DOCK8: variants seen among roughly 807,000 people sequenced by gnomAD.
DOCK8 encodes dedicator of cytokinesis 8.
In DOCK8, 141 loss-of-function variants were observed where a neutral mutation model predicts 245.6. The observed-to-expected ratio is 0.57, with a 90% CI of 0.50 to 0.66. The LOEUF is 0.66. Ranked by LOEUF, DOCK8 falls within the 30% of genes least tolerant of loss-of-function variation. The pLI is 0.00. For missense variants in DOCK8, 2,965 were observed against 2,603.4 expected (o/e 1.14, Z -3.02); for synonymous variants, 1,168 against 970.2 (o/e 1.20, Z -3.79).
chr9:411,105 A>G (rs866584425), intron 28 of DOCK8, among the ~76,000 whole-genome samples: 9 of 152,298 alleles, frequency 5.9e-5, no homozygotes, highest in South Asian at 4.1e-4. Flanking sequence ...TACACCTACT[A>G]TGTACCCACA....
chr9:452,795 G>A (rs1038841508), intron 46 of DOCK8: 1 of 152,194 alleles, frequency 6.6e-6, no homozygotes, highest in African/African-American at 2.4e-5. Context: ...TCTCATCTCT[G>A]TTCCTTAATT....
chr9:334,291 C>G lies in DOCK8; in HGVS notation c.1192C>G (p.Arg398Gly), dbSNP rs369052464. Reference protein sequence around the residue: ...ESFCQRLGKYRMPFAWAPISL... With the variant: ...ESFCQRLGKYGMPFAWAPISL... ...CTTCTGCCAGCGTTTGGGGAAATAC[C>G]GGATGCCCTTTGCCTGGGCACCCAT... Residue 398 changes from arginine to glycine, a missense_variant, in exon 11 of 48, where the codon CGG becomes GGG. Physicochemically the swap from Arg to Gly is moderately radical, Grantham distance 125 (BLOSUM62 -2). Around this residue, in one of 3 missense-constraint regions of DOCK8, gnomAD observed 2,825 missense variants for 2,453.5 expected, o/e 1.15. Coordinates refer to ENST00000432829, the MANE Select transcript of DOCK8 (RefSeq NM_203447.4). 6.2e-7 allele frequency: 1 copy of G among 1,614,026 alleles called. No homozygotes were observed. Among genetic ancestry groups the G allele is most frequent in the Non-Finnish European group, 8.5e-7 (1 of 1,180,016 alleles).
At chr9:387,625 G>T (rs922205320) in intron 23 of DOCK8, among the ~76,000 whole-genome samples, 1 of 152,134 alleles carries the variant, frequency 6.6e-6, no homozygotes. Context: ...GCCGGGGCCT[G>T]GTGCTGTGCA....
intron 26 of DOCK8, among the ~76,000 whole-genome samples, chr9:400,722 C>T (rs888592644): frequency 4.2e-5 from 4 of 96,048 alleles, no homozygotes; most frequent in East Asian, 2.9e-4. Context: ...ACCATCACCA[C>T]CACCACCTCC....
Position 405,162 on chromosome 9 carries a change from G to C in DOCK8, c.3390+89G>C. 5 of 1,361,852 alleles carry C rather than the reference G, an allele frequency of 3.7e-6. No individual in the cohort carries two copies. In the South Asian group the frequency reaches 6.2e-5, roughly 17 times the overall value. 84.4% of individuals were successfully genotyped at this position (1,361,852 alleles called of 1,614,324 possible). A position where few individuals can be genotyped will look rare whatever the true frequency, so the allele number is the denominator to read the frequency against. ...AATCATGTATTTCCTATAAAGGTTAGTCTTATTAATTTGACAAAAAATCAA... is the reference window on the plus strand; with the variant it reads ...AATCATGTATTTCCTATAAAGGTTACTCTTATTAATTTGACAAAAAATCAA... On this transcript the variant is annotated intron_variant, in intron 27 of 47. Coordinates refer to ENST00000432829, the MANE Select transcript of DOCK8 (RefSeq NM_203447.4).
chr9:312,331 C>T (rs2050162518), intron 6 of DOCK8, 165 bp downstream of exon 6: 1 of 783,920 alleles, frequency 1.3e-6, no homozygotes, highest in Non-Finnish European at 2.2e-6. Context: ...TGTGTCATAG[C>T]AGAGCCATTA....
At chr9:214,190 A>G (rs2131304992), upstream of DOCK8, 2 of 348,836 alleles carry the variant, frequency 5.7e-6, no homozygotes, top group South Asian at 6.2e-5. Flanking sequence ...CTTGAGTTTG[A>G]GGCCGGGCTT....
intron 26 of DOCK8, among the ~76,000 whole-genome samples, chr9:400,259 C>A (rs796205409): frequency 6.9e-5 from 6 of 87,376 alleles, no homozygotes; most frequent in Admixed American, 2.2e-4. Flanking sequence ...ACCATCACCA[C>A]CACCTCCACC....
intron 2 of DOCK8, among the ~76,000 whole-genome samples, chr9:285,169 C>A (rs558615243): frequency 6.6e-6 from 1 of 152,120 alleles, no homozygotes; most frequent in Non-Finnish European, 1.5e-5. Flanking sequence ...CCCTAACTTA[C>A]GCCACTCATG....
At chr9:394,923 T>C (rs1378749803) in intron 24 of DOCK8, among the ~76,000 whole-genome samples, 3 of 152,180 alleles carry the variant, frequency 2.0e-5, no homozygotes, top group Non-Finnish European at 4.4e-5. Context: ...GAGAATTATG[T>C]ATTTGGTTGT....
Position 418,243 on chromosome 9 carries a change from T to A in DOCK8, c.3840+36T>A, listed in dbSNP as rs1215966406. On this transcript the variant is annotated intron_variant, in intron 30 of 47. Coordinates refer to ENST00000432829, the MANE Select transcript of DOCK8 (RefSeq NM_203447.4). ...GCACATGTGTCTGGTTGATTTTTCA[T>A]TTCATGTCTTCTGTCTTCTGTTTTG... 3.1e-6 allele frequency: 5 copies of A among 1,612,906 alleles called. No individual in the cohort carries two copies. In the African/African-American group the frequency reaches 5.3e-5, roughly 17 times the overall value.
At chr9:423,025 A>G (rs1037825930) in intron 33 of DOCK8, among the ~76,000 whole-genome samples, 20 of 151,352 alleles carry the variant, frequency 1.3e-4, no homozygotes, top group Admixed American at 4.0e-4. Context: ...CTCTGATGAC[A>G]TATAGTCAAT....
rs574415164 is a variant in DOCK8, at chr9:258,270, T to C, written c.54-13357T>C. 1.4e-4 allele frequency among the ~76,000 whole-genome samples: 22 copies of C among 152,324 alleles called. No homozygotes were observed. In the East Asian group the frequency reaches 3.9e-3, roughly 27 times the overall value. ...ACGTCACTAAGTCACACAGACATGCTGCTAATTCACTGCCTTGGCCAGCAC... is the reference window on the plus strand; with the variant it reads ...ACGTCACTAAGTCACACAGACATGCCGCTAATTCACTGCCTTGGCCAGCAC... On this transcript the variant is annotated intron_variant, in intron 1 of 47. Coordinates refer to ENST00000432829, the MANE Select transcript of DOCK8 (RefSeq NM_203447.4).
intron 2 of DOCK8, chr9:280,746 G>C (rs2048543849): frequency 6.6e-6 from 1 of 152,198 alleles, no homozygotes; most frequent in South Asian, 2.1e-4. Flanking sequence ...GAAAAAATGT[G>C]TGTGTATGCT....
intron 16 of DOCK8, among the ~76,000 whole-genome samples, chr9:370,561 G>C (rs562110952): frequency 9.8e-5 from 15 of 152,300 alleles, no homozygotes; most frequent in African/African-American, 3.4e-4. Context: ...GATGCAAAGA[G>C]GTTGTATTAC....
At chr9:401,041 CA>C (rs1275989218) in intron 26 of DOCK8, among the ~76,000 whole-genome samples, 2 of 141,172 alleles carry the variant, frequency 1.4e-5, no homozygotes, top group African/African-American at 2.8e-5. Context: ...CCTCCACCAT[CA>C]CTTCTTCCAC....
intron 26 of DOCK8, among the ~76,000 whole-genome samples, chr9:402,954 A>G (rs775941205): frequency 2.6e-5 from 4 of 152,144 alleles, no homozygotes; most frequent in Non-Finnish European, 5.9e-5. Context: ...CAGTGGCACA[A>G]TTTTGGCTCA....
intron 21 of DOCK8, chr9:381,413 T>C (rs547402136): frequency 2.0e-4 from 31 of 152,212 alleles, no homozygotes; most frequent in Non-Finnish European, 4.0e-4. Context: ...TCTTAAACTT[T>C]TTGTTATTAA....
rs1467265264 is a variant in DOCK8, at chr9:441,919, T to C, written c.5400T>C (p.Phe1800=). The change falls in exon 42 of 48, where the codon TTT becomes TTC. Residue 1800 remains phenylalanine (F), a synonymous_variant. Coordinates refer to ENST00000432829, the MANE Select transcript of DOCK8 (RefSeq NM_203447.4). The stretch of plus-strand genomic sequence containing the variant: ...GAACCTACTTCCGAGTTGGTTTCTT[T>C]GGATCCAAATTTGGGGATTTGGATG... ...MFGTYFRVGF[F]GSKFGDLDEQ... is the part of the protein sequence containing the mutation. 6.2e-7 allele frequency: 1 copy of C among 1,614,062 alleles called. No individual in the cohort carries two copies. The highest frequency in any genetic ancestry group is 1.3e-5 in the African/African-American group (1 of 74,930).
Sources: allele counts gnomAD v4.1 joint callset (sites outside exome capture counted in the v4.1 genomes callset), GRCh38; gene constraint gnomAD v4.1.1; regional missense constraint gnomAD v4.1.1; transcripts MANE v1.5; gene names NCBI Gene and HGNC (gene_info 2026-07-23, HGNC 2026-07-21).